Variants in PYGB observed in about 807,000 individuals in gnomAD.
PYGB encodes glycogen phosphorylase, brain form.
A neutral mutation model predicts 94.3 loss-of-function variants in PYGB; 82 were observed. The ratio of observed to expected loss-of-function variants is 0.87; its 90% CI spans 0.73 to 1.04. The LOEUF (loss-of-function observed/expected upper bound fraction) is 1.04, where lower values mean the gene tolerates loss of function less well. Among genes scored for constraint, PYGB ranks in the 50% least tolerant of loss-of-function variants. The pLI is 0.00. For synonymous variants in PYGB, 488 were observed against 479.1 expected (o/e 1.02, Z -0.24); for missense variants, 1,132 against 1,158.2 (o/e 0.98, Z 0.33).
At chr20:25,266,893 G>A (rs564438124) in intron 2 of PYGB, among the ~76,000 whole-genome samples, 1 of 152,346 alleles carries the variant, frequency 6.6e-6, no homozygotes, top group East Asian at 1.9e-4. Flanking sequence ...TGGTGTGACT[G>A]TCAAATCTTG....
At chr20:25,280,467 C>T (rs1308637626) in intron 10 of PYGB, 55 bp downstream of exon 10, 9 of 1,583,936 alleles carry the variant, frequency 5.7e-6, no homozygotes, top group Admixed American at 1.7e-5. Flanking sequence ...ATGCCAACGG[C>T]CCCCCACCTG....
chr20:25,288,977 C>T (rs1045564486), intron 15 of PYGB, among the ~76,000 whole-genome samples: 9 of 152,264 alleles, frequency 5.9e-5, no homozygotes, highest in African/African-American at 2.2e-4. Context: ...GTAGCTTGGT[C>T]TTTATCCAGA....
At chr20:25,287,631 C>G (rs530892567) in intron 14 of PYGB, among the ~76,000 whole-genome samples, 5 of 152,064 alleles carry the variant, frequency 3.3e-5, no homozygotes, top group Non-Finnish European at 7.3e-5. Flanking sequence ...GCCTGGGTGG[C>G]AGAGCTAAAC....
chr20:25,278,196 G>A (rs1337134426), intron 7 of PYGB, 123 bp from the exon 8 acceptor site: 126 of 1,146,126 alleles, frequency 1.1e-4, no homozygotes, highest in Non-Finnish European at 1.3e-4. Context: ...CCCAGTGTCA[G>A]GCAGCTGGGC....
intron 15 of PYGB, among the ~76,000 whole-genome samples, chr20:25,288,978 T>G (rs1204625118): frequency 6.6e-6 from 1 of 152,228 alleles, no homozygotes; most frequent in Non-Finnish European, 1.5e-5. Flanking sequence ...TAGCTTGGTC[T>G]TTATCCAGAA....
intron 17 of PYGB, among the ~76,000 whole-genome samples, chr20:25,293,376 C>T (rs1489847535): frequency 6.6e-6 from 1 of 152,216 alleles, no homozygotes; most frequent in African/African-American, 2.4e-5. Context: ...CAGGTCTCCC[C>T]AGTGTCATTT....
rs183301973 is a variant in PYGB, at chr20:25,283,304, G to C, written c.1620+27G>C. On this transcript the variant is annotated intron_variant, in intron 13 of 19. Transcript: ENST00000216962. ...TAGGCATGGCCCTGGCCCCAGCCCCGACCCCAGCCCTCCCACAACCAGGCA... is the reference window on the plus strand; with the variant it reads ...TAGGCATGGCCCTGGCCCCAGCCCCCACCCCAGCCCTCCCACAACCAGGCA... 9,901 of 1,579,524 alleles carry C rather than the reference G, an allele frequency of 6.3e-3. 487 individuals are homozygous for C. In the Admixed American group the frequency reaches 0.11, roughly 18 times the overall value.
intron 2 of PYGB, among the ~76,000 whole-genome samples, chr20:25,267,541 T>G (rs2088228651): frequency 6.6e-6 from 1 of 152,156 alleles, no homozygotes; most frequent in African/African-American, 2.4e-5. Context: ...GTCATTGTTG[T>G]TGTTGTTGAG....
chr20:25,248,562 T>A, intron 1 of PYGB, 141 bp downstream of exon 1: 1 of 1,128,666 alleles, frequency 8.9e-7, no homozygotes, highest in Non-Finnish European at 1.1e-6. Flanking sequence ...CACAGCCGAC[T>A]GGGGAGTCGC....
intron 9 of PYGB, among the ~76,000 whole-genome samples, chr20:25,279,792 C>G (rs2088349050): frequency 6.6e-6 from 1 of 152,148 alleles, no homozygotes; most frequent in African/African-American, 2.4e-5. Flanking sequence ...GAAACCCAAG[C>G]CCCTCTCTGG....
In PYGB at chr20:25,296,823, G is replaced by C. The variant is rs577638354; in HGVS notation, c.*301G>C. 1.8e-5 allele frequency: 7 copies of C among 396,346 alleles called. No individual in the cohort carries two copies. The highest frequency in any genetic ancestry group is 1.2e-4 in the African/African-American group (6 of 48,608). The allele number at this position is 396,346 out of a possible 1,614,324, so 24.6% of individuals were successfully genotyped here. A position where few individuals can be genotyped will look rare whatever the true frequency, so the allele number is the denominator to read the frequency against. ...GGGAGTCAGGTGGAGCCACCTGCTG[G>C]GCTCCCCCAGAACTTTGCACACATC... On this transcript the variant is annotated 3_prime_UTR_variant, in exon 20 of 20. Transcript: ENST00000216962.
At chr20:25,258,760 G>A (rs977622249) in intron 1 of PYGB, among the ~76,000 whole-genome samples, 7 of 152,268 alleles carry the variant, frequency 4.6e-5, no homozygotes, top group East Asian at 1.9e-4. Flanking sequence ...TCTGTGCTGC[G>A]TTCATTGGTG....
In PYGB at chr20:25,296,402, G is replaced by GA. The variant is rs1568702755; in HGVS notation, c.2414dup (p.Asn805LysfsTer11). On this transcript the variant is annotated frameshift_variant, in exon 20 of 20. Transcript: ENST00000216962. LOFTEE classifies it high-confidence loss of function. ...AGGAGTGGACCAAGAAGGTCATCAG[G>GA]AACATCGCCTGCTCGGGCAAGTTCT... 1.2e-6 allele frequency: 2 copies of GA among 1,614,032 alleles called. No homozygotes were observed. Among genetic ancestry groups the GA allele is most frequent in the African/African-American group, 2.7e-5 (2 of 75,006 alleles).
At chr20:25,254,089 CT>C (rs2092896321) in intron 1 of PYGB, among the ~76,000 whole-genome samples, 1 of 139,540 alleles carries the variant, frequency 7.2e-6, no homozygotes, top group African/African-American at 2.7e-5. Flanking sequence ...AAAAAAAAAA[CT>C]GAGTCATAGC....
chr20:25,256,504 AAAAAC>A (rs1403484548), intron 1 of PYGB, among the ~76,000 whole-genome samples: 8 of 145,100 alleles, frequency 5.5e-5, no homozygotes, highest in Non-Finnish European at 1.0e-4. Context: ...TCAAAAAAAA[AAAAAC>A]AAAAACAAAA....
intron 18 of PYGB, among the ~76,000 whole-genome samples, chr20:25,295,297 A>G (rs888697709): frequency 6.6e-6 from 1 of 152,244 alleles, no homozygotes; most frequent in South Asian, 2.1e-4. Context: ...GGCCTCTCCC[A>G]TGTGCAGCTC....
Position 25,248,240 on chromosome 20 carries a change from G to A in PYGB, c.62G>A (p.Gly21Glu), listed in dbSNP as rs201801746. ...CAGATCAGCGTGCGCGGCCTGGCGGGGCTAGGCGACGTGGCCGAGGTGCGG... is the reference window on the plus strand; with the variant it reads ...CAGATCAGCGTGCGCGGCCTGGCGGAGCTAGGCGACGTGGCCGAGGTGCGG... ...RKQISVRGLA[G>E]LGDVAEVRKS... Residue 21 changes from glycine (G) to glutamate (E), a missense_variant, in exon 1 of 20, where the codon GGG (glycine) becomes GAG (glutamate). Coordinates refer to ENST00000216962, the MANE Select transcript of PYGB (RefSeq NM_002862.4). The A allele has an allele frequency of 1.3e-5, 21 of 1,598,148 alleles. No homozygotes were observed. The highest frequency in any genetic ancestry group is 1.8e-5 in the Non-Finnish European group (21 of 1,173,170).
rs191766656 is a variant in PYGB, at chr20:25,296,757, G to T, written c.*235G>T. On this transcript the variant is annotated 3_prime_UTR_variant, in exon 20 of 20. Coordinates refer to ENST00000216962, the MANE Select transcript of PYGB (RefSeq NM_002862.4). ...GCCAGAGTTGACAGTACAAAGGGTC[G>T]TGGCCAGCCCTGCAGCTTCAGCACC... 4 of 560,572 alleles carry T rather than the reference G, an allele frequency of 7.1e-6. No homozygotes were observed. In the East Asian group the frequency reaches 1.4e-4, roughly 19 times the overall value. The allele number at this position is 560,572 out of a possible 1,614,324, so 34.7% of individuals were successfully genotyped here.
At chr20:25,276,522 A>G (rs1157080156) in intron 5 of PYGB, 124 bp from the exon 6 acceptor site, 3 of 724,322 alleles carry the variant, frequency 4.1e-6, no homozygotes, top group African/African-American at 1.8e-5. Context: ...GTTTGGGCAG[A>G]AGGGGGAGAC....
Sources: gnomAD v4.1 joint callset for allele counts (sites outside exome capture counted in the v4.1 genomes callset) on GRCh38, gnomAD v4.1.1 for gene constraint, MANE v1.5 for transcripts, NCBI Gene and HGNC (gene_info 2026-07-23, HGNC 2026-07-21) for gene names.